Variants in CSMD1 observed in about 807,000 individuals in gnomAD.
CSMD1 encodes the protein CUB and Sushi multiple domains 1.
In CSMD1, 213 loss-of-function variants were observed where a neutral mutation model predicts 417.5. The ratio of observed to expected loss-of-function variants is 0.51; its 90% CI spans 0.46 to 0.57. CSMD1 has a LOEUF of 0.57. Ranked by LOEUF, CSMD1 falls within the 20% of genes least tolerant of loss-of-function variation. CSMD1 has a pLI of 0.00. For missense variants in CSMD1, 6,923 were observed against 4,529.7 expected (o/e 1.53, Z -15.17); for synonymous variants, 2,862 against 1,736.8 (o/e 1.65, Z -16.11).
intron 52 of CSMD1, among the ~76,000 whole-genome samples, chr8:3,002,601 T>G (rs936278623): frequency 1.3e-5 from 2 of 152,246 alleles, no homozygotes; most frequent in Non-Finnish European, 2.9e-5. Flanking sequence ...TCCTCTCATT[T>G]TAGGGAATCT....
intron 3 of CSMD1, among the ~76,000 whole-genome samples, chr8:4,107,990 G>A (rs1394033465): frequency 2.0e-5 from 3 of 151,890 alleles, no homozygotes; most frequent in African/African-American, 4.8e-5. Flanking sequence ...GCTTAGAGAA[G>A]TAGAAAGTAA....
intron 1 of CSMD1, among the ~76,000 whole-genome samples, chr8:4,730,506 T>C (rs1310549899): frequency 3.9e-5 from 6 of 152,012 alleles, no homozygotes; most frequent in South Asian, 2.1e-4. Context: ...TTTGGGAGGC[T>C]GAGGCAGGCG....
chr8:4,787,945 A>G (rs1012100972), intron 1 of CSMD1: 10 of 1,594,762 alleles, frequency 6.3e-6, no homozygotes, highest in Admixed American at 3.5e-5. Context: ...ATTGACAATG[A>G]TTCCTGGAGA....
intron 8 of CSMD1, chr8:3,598,367 T>A (rs148487052): frequency 2.0e-5 from 3 of 152,318 alleles, no homozygotes; most frequent in African/African-American, 7.2e-5. Context: ...TCTTGTCATT[T>A]AGATCCAGCC....
chr8:4,762,484 C>T (rs1204604078), intron 1 of CSMD1, among the ~76,000 whole-genome samples: 1 of 152,042 alleles, frequency 6.6e-6, no homozygotes, highest in Non-Finnish European at 1.5e-5. Flanking sequence ...ATTTAAATTA[C>T]AGATATCAAA....
At chr8:3,306,952 T>G (rs570941468) in intron 25 of CSMD1, among the ~76,000 whole-genome samples, 1 of 152,110 alleles carries the variant, frequency 6.6e-6, no homozygotes. Context: ...TTCACATCAT[T>G]TTCTGAAATT....
chr8:4,897,601 C>T (rs1268782312), intron 1 of CSMD1, among the ~76,000 whole-genome samples: 1 of 152,064 alleles, frequency 6.6e-6, no homozygotes, highest in African/African-American at 2.4e-5. Flanking sequence ...GTGACCAATA[C>T]AATTCAAAAC....
chr8:4,331,747 G>C (rs1239835777), intron 3 of CSMD1, among the ~76,000 whole-genome samples: 1 of 152,064 alleles, frequency 6.6e-6, no homozygotes, highest in Non-Finnish European at 1.5e-5. Context: ...ATATTAACCA[G>C]CTTCGGTCCA....
chr8:4,784,002 G>T (rs1321876608), intron 1 of CSMD1, among the ~76,000 whole-genome samples: 1 of 152,130 alleles, frequency 6.6e-6, no homozygotes, highest in Non-Finnish European at 1.5e-5. Flanking sequence ...TAATCAGTAC[G>T]ATTAGTGAAA....
chr8:4,149,546 A>G (rs1796456438), intron 3 of CSMD1, among the ~76,000 whole-genome samples: 1 of 152,208 alleles, frequency 6.6e-6, no homozygotes, highest in Non-Finnish European at 1.5e-5. Context: ...AACCAAAAAT[A>G]TTTAATTCTA....
At chr8:4,874,768 CAGAA>C (rs1411019270) in intron 1 of CSMD1, among the ~76,000 whole-genome samples, 5 of 150,476 alleles carry the variant, frequency 3.3e-5, no homozygotes, top group Admixed American at 6.6e-5. Context: ...TTCATATAGA[CAGAA>C]AGAAATAGAG....
chr8:4,222,031 C>G (rs764540461), intron 3 of CSMD1, among the ~76,000 whole-genome samples: 3 of 120,356 alleles, frequency 2.5e-5, no homozygotes, highest in Admixed American at 1.8e-4. Flanking sequence ...CATTTTAGTT[C>G]TCTAGAGTAT....
intron 2 of CSMD1, among the ~76,000 whole-genome samples, chr8:4,632,186 GC>G (rs1802558782): frequency 6.6e-6 from 1 of 152,130 alleles, no homozygotes; most frequent in Admixed American, 6.6e-5. Context: ...GGGATGAGTT[GC>G]CCTGAATCAG....
At chr8:4,970,088 T>C (rs1163034688) in intron 1 of CSMD1, among the ~76,000 whole-genome samples, 1 of 152,098 alleles carries the variant, frequency 6.6e-6, no homozygotes, top group East Asian at 1.9e-4. Context: ...CAGTTTCACA[T>C]AAAAATAATA....
chr8:4,725,420 A>G (rs1809363057), intron 1 of CSMD1, among the ~76,000 whole-genome samples: 1 of 152,202 alleles, frequency 6.6e-6, no homozygotes, highest in Admixed American at 6.5e-5. Flanking sequence ...AAAGTAGATT[A>G]TTTATGGTTG....
chr8:3,556,362 C>G (rs187955758), intron 10 of CSMD1, among the ~76,000 whole-genome samples: 4 of 112,912 alleles, frequency 3.5e-5, no homozygotes, highest in African/African-American at 1.3e-4. Flanking sequence ...AGCTATCTAC[C>G]CACAAAGATT....
chr8:4,194,891 G>A (rs111274275), intron 3 of CSMD1, among the ~76,000 whole-genome samples: 5 of 152,156 alleles, frequency 3.3e-5, no homozygotes, highest in African/African-American at 1.2e-4. Flanking sequence ...CACATAATTA[G>A]AACTGTTAGT....
At chr8:4,035,497 T>A (rs1028478909) in intron 3 of CSMD1, among the ~76,000 whole-genome samples, 1 of 141,168 alleles carries the variant, frequency 7.1e-6, no homozygotes, top group Admixed American at 6.8e-5. Flanking sequence ...TCCATACCTG[T>A]CCTTGCCCCG....
chr8:4,956,361 C>T (rs180755600), intron 1 of CSMD1, among the ~76,000 whole-genome samples: 17 of 149,556 alleles, frequency 1.1e-4, no homozygotes, highest in East Asian at 3.9e-4. Context: ...ACTTGTTTAC[C>T]GTAAGATAGG....
Sources: gnomAD v4.1 joint callset for allele counts (sites outside exome capture counted in the v4.1 genomes callset) on GRCh38, gnomAD v4.1.1 for gene constraint, MANE v1.5 for transcripts, NCBI Gene and HGNC (gene_info 2026-07-23, HGNC 2026-07-21) for gene names.